The following FAXC variants were observed in gnomAD, a reference collection of about 807,000 sequenced individuals.
The protein encoded by FAXC is failed axon connections homolog, metaxin like GST domain containing.
A neutral mutation model predicts 41.9 loss-of-function variants in FAXC; 10 were observed. The ratio of observed to expected loss-of-function variants is 0.24; its 90% confidence interval spans 0.15 to 0.41. The LOEUF is 0.41. Ranked by LOEUF, FAXC falls within the 10% of genes least tolerant of loss-of-function variation. FAXC has a pLI of 1.00. For missense variants in FAXC, 399 were observed against 510.9 expected, an observed-to-expected ratio of 0.78 and a Z score of 2.11; for synonymous variants, 183 against 183.8, an observed-to-expected ratio of 1.00 and a Z score of 0.03.
intron 3 of FAXC, among the ~76,000 whole-genome samples, chr6:99,326,080 G>A (rs1227802792): frequency 1.3e-5 from 2 of 152,248 alleles, no homozygotes; most frequent in African/African-American, 4.8e-5. Flanking sequence ...CGAGGCTGGA[G>A]GCGCCGGCAA....
chr6:99,296,344 G>C (rs182667863), intron 4 of FAXC, among the ~76,000 whole-genome samples: 44 of 152,116 alleles, frequency 2.9e-4, no homozygotes, highest in Non-Finnish European at 4.9e-4. Flanking sequence ...AGGAGACTTG[G>C]GTGGTGAGGC....
At chr6:99,326,339 GAA>G (rs949140438) in intron 3 of FAXC, among the ~76,000 whole-genome samples, 2 of 152,132 alleles carry the variant, frequency 1.3e-5, no homozygotes, top group Admixed American at 6.5e-5. Context: ...TGCAATAGAA[GAA>G]AAAGAGTCTA....
At chr6:99,347,383 C>CA (rs1174953751) in intron 1 of FAXC, among the ~76,000 whole-genome samples, 6 of 138,800 alleles carry the variant, frequency 4.3e-5, no homozygotes, top group African/African-American at 1.6e-4. Flanking sequence ...ACATGGGCGA[C>CA]AAAGCGAGAC....
intron 4 of FAXC, among the ~76,000 whole-genome samples, chr6:99,293,704 G>GTGTGTGTGTGTGTC (rs1562155131): frequency 7.8e-5 from 8 of 101,912 alleles, no homozygotes; most frequent in African/African-American, 2.8e-4. Context: ...GTGTGTGTGT[G>GTGTGTGTGTGTGTC]TGTGTGTGTC....
chr6:99,327,088 C>T (rs221523), intron 3 of FAXC, among the ~76,000 whole-genome samples: 133,180 of 152,194 alleles, frequency 0.88, 58,770 homozygotes, highest in East Asian at 1. Context: ...TGTTTGGTCT[C>T]TCTCTCTTCT....
chr6:99,334,103 A>G (rs1773129349), intron 2 of FAXC, among the ~76,000 whole-genome samples: 1 of 152,178 alleles, frequency 6.6e-6, no homozygotes, highest in Admixed American at 6.5e-5. Context: ...CCTCTTAAAA[A>G]TGCAGGTTCC....
chr6:99,342,115 G>A (rs565922290), intron 2 of FAXC, among the ~76,000 whole-genome samples: 4 of 152,280 alleles, frequency 2.6e-5, no homozygotes, highest in African/African-American at 9.6e-5. Context: ...ATGAACAAGT[G>A]TTTCCCTGAA....
intron 5 of FAXC, among the ~76,000 whole-genome samples, chr6:99,290,197 AT>A (rs1771184618): frequency 6.6e-6 from 1 of 151,240 alleles, no homozygotes; most frequent in South Asian, 2.1e-4. Context: ...ATCTTTCCGT[AT>A]GCCATTTCCA....
intron 2 of FAXC, 25 bp from the exon 3 acceptor site, chr6:99,333,572 G>C: frequency 6.5e-7 from 1 of 1,548,342 alleles, no homozygotes; most frequent in Non-Finnish European, 8.7e-7. Flanking sequence ...TTTTTAAAAA[G>C]AGAAAAGCAA....
At chr6:99,305,521 C>T (rs1562162942) in intron 4 of FAXC, among the ~76,000 whole-genome samples, 1 of 152,028 alleles carries the variant, frequency 6.6e-6, no homozygotes, top group Non-Finnish European at 1.5e-5. Context: ...ACAAACCAGG[C>T]ATAATAATAC....
At chr6:99,347,117 A>T (rs952644829) in intron 1 of FAXC, among the ~76,000 whole-genome samples, 1 of 151,994 alleles carries the variant, frequency 6.6e-6, no homozygotes, top group Admixed American at 6.6e-5. Flanking sequence ...TAAAAAAAAA[A>T]TTAGCCAAGT....
At chr6:99,338,365 G>A (rs1263602893) in intron 2 of FAXC, among the ~76,000 whole-genome samples, 1 of 152,122 alleles carries the variant, frequency 6.6e-6, no homozygotes, top group African/African-American at 2.4e-5. Context: ...CTAACTACAG[G>A]CAGCTGCTCT....
intron 4 of FAXC, among the ~76,000 whole-genome samples, chr6:99,320,581 C>T (rs631141): frequency 6.6e-6 from 1 of 152,164 alleles, no homozygotes; most frequent in South Asian, 2.1e-4. Context: ...ACACATGCGG[C>T]TCCTTCTCTC....
At chr6:99,345,610 A>G (rs1773563830) in intron 1 of FAXC, among the ~76,000 whole-genome samples, 1 of 152,230 alleles carries the variant, frequency 6.6e-6, no homozygotes, top group Non-Finnish European at 1.5e-5. Flanking sequence ...TTAACTAGCT[A>G]GTTTACTACT....
chr6:99,286,750 A>G (rs529728114), intron 5 of FAXC, among the ~76,000 whole-genome samples: 45 of 152,326 alleles, frequency 3.0e-4, no homozygotes, highest in African/African-American at 1.0e-3. Context: ...CAATTCTCTG[A>G]TAAGATCCCT....
chr6:99,302,478 A>G (rs995289953), intron 4 of FAXC, among the ~76,000 whole-genome samples: 5 of 152,164 alleles, frequency 3.3e-5, no homozygotes, highest in Admixed American at 1.3e-4. Flanking sequence ...CAACATGGTG[A>G]AACCCTGTCT....
At chr6:99,347,524 G>A (rs2128466653) in intron 1 of FAXC, among the ~76,000 whole-genome samples, 1 of 152,280 alleles carries the variant, frequency 6.6e-6, no homozygotes, top group South Asian at 2.1e-4. Context: ...GCTATCTGTG[G>A]GCAGAGAGCT....
At chr6:99,328,781 C>A (rs1306914792) in intron 3 of FAXC, among the ~76,000 whole-genome samples, 1 of 152,164 alleles carries the variant, frequency 6.6e-6, no homozygotes. Flanking sequence ...CAGCATTAAC[C>A]ATTACAAAGC....
intron 4 of FAXC, among the ~76,000 whole-genome samples, chr6:99,309,406 G>A (rs1772070003): frequency 6.6e-6 from 1 of 152,168 alleles, no homozygotes; most frequent in African/African-American, 2.4e-5. Flanking sequence ...GGATTTCTAA[G>A]AACTCGGTAT....
Sources: gnomAD v4.1 joint callset for allele counts (sites outside exome capture counted in the v4.1 genomes callset) on GRCh38, gnomAD v4.1.1 for gene constraint, MANE v1.5 for transcripts, NCBI Gene and HGNC (gene_info 2026-07-23, HGNC 2026-07-21) for gene names.